The following SQOR variants were observed in gnomAD, a reference collection of about 807,000 sequenced individuals.
The protein encoded by SQOR is sulfide quinone oxidoreductase, also known as sulfide:quinone oxidoreductase, mitochondrial.
SQOR carries 39 observed loss-of-function variants against 48.6 expected under a neutral mutation model. The ratio of observed to expected loss-of-function variants is 0.80; its 90% CI spans 0.62 to 1.05. The LOEUF is 1.05. Among genes scored for constraint, SQOR ranks in the 50% least tolerant of loss-of-function variants. SQOR has a pLI of 0.00. For missense variants in SQOR, 561 were observed against 559.9 expected (o/e 1.00, Z -0.02); for synonymous variants, 220 against 206.2 (o/e 1.07, Z -0.57).
At position 45,658,893 on chromosome 15, in the gene SQOR, CTCT is replaced by C; in HGVS notation, c.-17-11_-17-9del. ...TCTACCTTGGCACTCACAGCCCTGT[CTCT>C]TCCCTTCCAGCCTGATCCTGCCTGA... is the stretch of plus-strand genomic sequence containing the variant. On this transcript the variant is annotated splice_polypyrimidine_tract_variant and intron_variant, in intron 1 of 9. Coordinates refer to ENST00000260324, the MANE Select transcript of SQOR (RefSeq NM_021199.4). 1 of 1,485,468 alleles carries C rather than the reference CTCT, an allele frequency of 6.7e-7. No individual in the cohort carries two copies. The highest frequency in any genetic ancestry group is 2.3e-5 in the Admixed American group (1 of 42,946). 92.0% of individuals were successfully genotyped at this position (1,485,468 alleles called of 1,614,324 possible).
At chr15:45,670,015 C>A (rs767757941) in intron 4 of SQOR, 34 bp downstream of exon 4, 3 of 1,596,522 alleles carry the variant, frequency 1.9e-6, no homozygotes, top group Non-Finnish European at 2.6e-6. Context: ...GTTACGCTGG[C>A]TTATCTATGC....
intron 1 of SQOR, among the ~76,000 whole-genome samples, chr15:45,658,412 C>A (rs976936100): frequency 1.1e-4 from 16 of 152,148 alleles, no homozygotes; most frequent in East Asian, 3.8e-4. Flanking sequence ...TCTTGCTAGA[C>A]GGTTTCTGTT....
At chr15:45,640,469 A>C (rs1490497046) in intron 1 of SQOR, among the ~76,000 whole-genome samples, 4 of 152,148 alleles carry the variant, frequency 2.6e-5, no homozygotes, top group African/African-American at 9.7e-5. Context: ...GGAACGGGTC[A>C]TTGTCATCTA....
intron 4 of SQOR, among the ~76,000 whole-genome samples, chr15:45,672,856 T>G (rs567314506): frequency 7.4e-4 from 112 of 152,348 alleles, no homozygotes; most frequent in African/African-American, 2.6e-3. Context: ...CTTATCCCCA[T>G]TTCACAGATG....
intron 9 of SQOR, 50 bp downstream of exon 9, chr15:45,689,267 C>T: frequency 6.3e-7 from 1 of 1,586,450 alleles, no homozygotes; most frequent in South Asian, 1.1e-5. Context: ...TGTAGCACAT[C>T]TCCACCCAAA....
chr15:45,679,084 G>A (rs929295239), intron 6 of SQOR, among the ~76,000 whole-genome samples: 11 of 152,222 alleles, frequency 7.2e-5, no homozygotes, highest in African/African-American at 2.4e-4. Context: ...AGCTGAGGTT[G>A]TAGGTAGGGG....
chr15:45,654,889 C>G (rs1263273514), intron 1 of SQOR, among the ~76,000 whole-genome samples: 1 of 152,080 alleles, frequency 6.6e-6, no homozygotes, highest in Non-Finnish European at 1.5e-5. Flanking sequence ...CATAGTGCAT[C>G]AGGAAGGCTG....
chr15:45,674,602 C>T (rs543098696), intron 5 of SQOR, among the ~76,000 whole-genome samples: 121 of 152,210 alleles, frequency 7.9e-4, no homozygotes, highest in Non-Finnish European at 1.4e-3. Context: ...CTTGGGTATA[C>T]ATTAAAAAAA....
chr15:45,688,953 C>T (rs1595512706), intron 8 of SQOR, 86 bp from the exon 9 acceptor site: 4 of 1,107,312 alleles, frequency 3.6e-6, no homozygotes, highest in South Asian at 3.8e-5. Context: ...TATATAAGCA[C>T]TCACAGCAAA....
At chr15:45,642,201 T>G (rs1026117866) in intron 1 of SQOR, among the ~76,000 whole-genome samples, 1 of 152,168 alleles carries the variant, frequency 6.6e-6, no homozygotes, top group Non-Finnish European at 1.5e-5. Context: ...GGGCTCTCAC[T>G]GCCATTAGCA....
intron 1 of SQOR, among the ~76,000 whole-genome samples, chr15:45,655,262 T>C (rs990033294): frequency 6.6e-6 from 1 of 152,206 alleles, no homozygotes; most frequent in Non-Finnish European, 1.5e-5. Context: ...CTCCTGCCCC[T>C]GCCCCATGGG....
At chr15:45,632,966 GA>G (rs1409181855), upstream of SQOR, among the ~76,000 whole-genome samples, 1 of 151,446 alleles carries the variant, frequency 6.6e-6, no homozygotes, top group East Asian at 1.9e-4. Flanking sequence ...AATAAATTTA[GA>G]AAAAAATTAG....
intron 6 of SQOR, among the ~76,000 whole-genome samples, chr15:45,677,832 C>A (rs1378091522): frequency 6.6e-6 from 1 of 152,352 alleles, no homozygotes; most frequent in East Asian, 1.9e-4. Flanking sequence ...TCATGAGTAG[C>A]TGGGACTACA....
At chr15:45,675,220 C>A (rs1566921896) in intron 5 of SQOR, among the ~76,000 whole-genome samples, 1 of 152,110 alleles carries the variant, frequency 6.6e-6, no homozygotes, top group African/African-American at 2.4e-5. Flanking sequence ...CTTTGTGTAA[C>A]TCTTTTCTCC....
chr15:45,642,653 C>A (rs1472315053), intron 1 of SQOR, among the ~76,000 whole-genome samples: 1 of 152,186 alleles, frequency 6.6e-6, no homozygotes, highest in African/African-American at 2.4e-5. Context: ...TTAGGAGATT[C>A]TCATTGCAAG....
chr15:45,684,069 A>C (rs1890177256), intron 7 of SQOR, among the ~76,000 whole-genome samples: 1 of 129,684 alleles, frequency 7.7e-6, no homozygotes, highest in Non-Finnish European at 1.9e-5. Flanking sequence ...CCACCACCAC[A>C]CCTGGCTAAT....
In SQOR at chr15:45,659,129, A is replaced by G. The variant is rs764903829; in HGVS notation, c.206A>G (p.Glu69Gly). The G allele has an allele frequency of 1.3e-6, 2 of 1,562,744 alleles. No individual in the cohort carries two copies. The highest frequency in any genetic ancestry group is 1.7e-6 in the Non-Finnish European group (2 of 1,151,830). ...CGCATGAAGAGGAAAGTGGGTGCAG[A>G]GAATGTGGCCATTGTTGAGCCCAGT... ...AARMKRKVGAENVAIVEPSER... is the reference protein window; with the variant it reads ...AARMKRKVGAGNVAIVEPSER... Residue 69 changes from glutamate to glycine, a missense_variant, in exon 2 of 10, where the codon GAG becomes GGG. Physicochemically the swap from Glu to Gly is moderately conservative, Grantham distance 98 (BLOSUM62 -2). Transcript: ENST00000260324.
chr15:45,667,824 A>G (rs1318991451), intron 3 of SQOR, among the ~76,000 whole-genome samples: 5 of 151,718 alleles, frequency 3.3e-5, no homozygotes, highest in Non-Finnish European at 5.9e-5. Context: ...GCTAGCTCTT[A>G]CCTAATATGC....
chr15:45,642,973 T>C (rs1895132159), intron 1 of SQOR, among the ~76,000 whole-genome samples: 1 of 152,220 alleles, frequency 6.6e-6, no homozygotes, highest in Non-Finnish European at 1.5e-5. Context: ...CATGTGAAAC[T>C]GGTTTTGTTT....
Sources: gnomAD v4.1 joint callset for allele counts (sites outside exome capture counted in the v4.1 genomes callset) on GRCh38, gnomAD v4.1.1 for gene constraint, MANE v1.5 for transcripts, NCBI Gene and HGNC (gene_info 2026-07-23, HGNC 2026-07-21) for gene names.